ZNF28: variants seen among roughly 807,000 people sequenced by gnomAD.
ZNF28 encodes the protein zinc finger protein KOX24.
Under a neutral mutation model 7.2 loss-of-function variants are expected in ZNF28, and 5 were observed. The observed-to-expected ratio is 0.70, with a 90% CI of 0.36 to 1.46. ZNF28 has a LOEUF of 1.46. Ranked by LOEUF, ZNF28 falls within the 40% of genes most tolerant of loss-of-function variation. The pLI, the probability that ZNF28 is intolerant of heterozygous loss-of-function variation, is 0.03. For synonymous variants in ZNF28, 288 were observed against 292.4 expected (o/e 0.99, Z 0.15); for missense variants, 879 against 866.6 (o/e 1.01, Z -0.18).
At position 52,800,707 on chromosome 19, in the gene ZNF28, C is replaced by G; in HGVS notation, c.1138G>C (p.Glu380Gln). ...LARHRRLHTG[E>Q]KPYECEECEK... ...CATTCTTCACATTCATAAGGTTTCTCTCCAGTATGAAGCCTACGATGGCGT... is the reference window on the plus strand; with the variant it reads ...CATTCTTCACATTCATAAGGTTTCTGTCCAGTATGAAGCCTACGATGGCGT... Residue 380 changes from glutamate to glutamine, a missense_variant, in exon 4 of 4, where the codon GAG becomes CAG. Transcript: ENST00000457749. 6.2e-7 allele frequency: 1 copy of G among 1,613,788 alleles called. No individual in the cohort carries two copies. The highest frequency in any genetic ancestry group is 8.5e-7 in the Non-Finnish European group (1 of 1,179,990).
Position 52,798,924 on chromosome 19 carries a change from C to T in ZNF28, c.*764G>A. ...TGCCCACTAAAGGCTTTGCCACACT[C>T]ATTGCACTTGTAAGGTTTCTCTCCA... On this transcript the variant is annotated 3_prime_UTR_variant, in exon 4 of 4. Coordinates refer to ENST00000457749, the MANE Select transcript of ZNF28 (RefSeq NM_006969.5). 2.1e-6 allele frequency: 3 copies of T among 1,436,096 alleles called. No individual in the cohort carries two copies. Among genetic ancestry groups the T allele is most frequent in the Non-Finnish European group, 2.8e-6 (3 of 1,062,614 alleles). The allele number at this position is 1,436,096 out of a possible 1,614,324, so 89.0% of individuals were successfully genotyped here. A position where few individuals can be genotyped will look rare whatever the true frequency, so the allele number is the denominator to read the frequency against.
Position 52,797,697 on chromosome 19 carries a change from G to A in ZNF28, c.*1991C>T, listed in dbSNP as rs185195741. On this transcript the variant is annotated 3_prime_UTR_variant, in exon 4 of 4. Transcript: ENST00000457749. ...GAAATCTACAAACATTGATCAAAAT[G>A]ATTAAAAACATATAAATACACATAC... 6.5e-6 allele frequency: 1 copy of A among 153,924 alleles called. No individual in the cohort carries two copies. Among genetic ancestry groups the A allele is most frequent in the Non-Finnish European group, 1.5e-5 (1 of 68,030 alleles). The allele number at this position is 153,924 out of a possible 1,614,324, so 9.5% of individuals were successfully genotyped here.
Position 52,799,402 on chromosome 19 carries a change from T to G in ZNF28, c.*286A>C. The stretch of plus-strand genomic sequence containing the variant: ...TTCTTATGTGTTTCAAGGTTTGATT[T>G]GCAACCGAAAACTTTGTCACATTCT... On this transcript the variant is annotated 3_prime_UTR_variant, in exon 4 of 4. Coordinates refer to ENST00000457749, the MANE Select transcript of ZNF28 (RefSeq NM_006969.5). 1 of 643,908 alleles carries G rather than the reference T, an allele frequency of 1.6e-6. No homozygotes were observed. The highest frequency in any genetic ancestry group is 1.8e-5 in the African/African-American group (1 of 54,574). 39.9% of individuals were successfully genotyped at this position (643,908 alleles called of 1,614,324 possible).
intron 3 of ZNF28, among the ~76,000 whole-genome samples, chr19:52,807,459 C>A (rs7253544): frequency 6.6e-6 from 1 of 152,018 alleles, no homozygotes; most frequent in African/African-American, 2.4e-5. Flanking sequence ...TCTTTAAAGT[C>A]TGCCATAAGG....
chr19:52,820,388 A>C (rs2147698992), intron 1 of ZNF28, among the ~76,000 whole-genome samples: 1 of 123,280 alleles, frequency 8.1e-6, no homozygotes, highest in Non-Finnish European at 1.6e-5. Context: ...AAGTGCTGGG[A>C]TTACAGGCGT....
chr19:52,810,768 T>TA lies in ZNF28; in HGVS notation c.16-2636dup, dbSNP rs201866551. ...AGGAAAGAAGGGGAAAAAAAAAGAATAAAAAAAAACCCAAAAAAAACAGAA... is the reference window on the plus strand; with the variant it reads ...AGGAAAGAAGGGGAAAAAAAAAGAATAAAAAAAAAACCCAAAAAAAACAGAA... On this transcript the variant is annotated intron_variant, in intron 2 of 3. Coordinates refer to ENST00000457749, the MANE Select transcript of ZNF28 (RefSeq NM_006969.5). 127 of 437,144 alleles carry TA rather than the reference T, an allele frequency of 2.9e-4. 1 individual carries two copies. The highest frequency in any genetic ancestry group is 1.6e-3 in the East Asian group (45 of 28,416). The allele number at this position is 437,144 out of a possible 1,614,324, so 27.1% of individuals were successfully genotyped here.
At chr19:52,809,947 G>C (rs1600452636) in intron 2 of ZNF28, 1 of 836,116 alleles carries the variant, frequency 1.2e-6, no homozygotes, top group Non-Finnish European at 2.0e-6. Flanking sequence ...GTTGCCCCGG[G>C]GGGCGCAGGG....
chr19:52,810,651 C>G (rs924749610), intron 2 of ZNF28: 10 of 1,210,808 alleles, frequency 8.3e-6, no homozygotes, highest in Non-Finnish European at 1.2e-5. Flanking sequence ...ACAGCAGGCT[C>G]TGGGGTCGCG....
chr19:52,804,442 C>A, intron 3 of ZNF28, among the ~76,000 whole-genome samples: 3 of 152,222 alleles, frequency 2.0e-5, no homozygotes, highest in Middle Eastern at 3.4e-3. Context: ...GTGATCTTGG[C>A]GCACTGCAAC....
intron 2 of ZNF28, chr19:52,809,792 G>T: frequency 4.0e-6 from 2 of 501,372 alleles, no homozygotes; most frequent in Non-Finnish European, 3.5e-6. Flanking sequence ...GTGACAGAGC[G>T]AAAAAAAAGG....
In ZNF28 at chr19:52,799,000, G is replaced by C. The variant is rs1194772319; in HGVS notation, c.*688C>G. On this transcript the variant is annotated 3_prime_UTR_variant, in exon 4 of 4. Transcript: ENST00000457749. ...GGTGTGAATCACTCCCAAAAGCCTT[G>C]TTACAAACCTTACATTTGTATGTTT... 1.1e-6 allele frequency: 1 copy of C among 883,380 alleles called. No individual in the cohort carries two copies. The highest frequency in any genetic ancestry group is 1.7e-5 in the African/African-American group (1 of 58,122). The allele number at this position is 883,380 out of a possible 1,614,324, so 54.7% of individuals were successfully genotyped here.
chr19:52,817,948 G>T lies in ZNF28; in HGVS notation c.11C>A (p.Pro4His), dbSNP rs1195785208. The T allele has an allele frequency of 6.2e-7, 1 of 1,610,882 alleles. No individual in the cohort carries two copies. Among genetic ancestry groups the T allele is most frequent in the Non-Finnish European group, 8.5e-7 (1 of 1,179,828 alleles). Reference protein sequence around the residue: MALPQGLLTFRDVA... With the variant: MALHQGLLTFRDVA... ...CCACCGAGAATACCATCTCACCTGA[G>T]GAAGAGCCATCCCTGACTCCTTTGC... The change falls in exon 2 of 4, where the codon CCT becomes CAT. Residue 4 changes from proline (P) to histidine (H), a missense_variant. By Grantham distance (77) the Pro-to-His change is moderately conservative (BLOSUM62 -2). Transcript: ENST00000457749.
In ZNF28 at chr19:52,800,616, G is replaced by A; in HGVS notation, c.1229C>T (p.Pro410Leu). The change falls in exon 4 of 4, where the codon CCA becomes CTA. Residue 410 changes from proline (P) to leucine (L), a missense_variant. Pro to Leu is a moderately conservative substitution (Grantham distance 98, BLOSUM62 -3). Transcript: ENST00000457749. The stretch of plus-strand genomic sequence containing the variant: ...CTTGTCACAAACCTTACATTTGTAT[G>A]GTTTCTCTCCAGTATGAATCCTCTT... ...RHKRIHTGEK[P>L]YKCKVCDKAF... The A allele has an allele frequency of 6.2e-7, 1 of 1,613,200 alleles. No homozygotes were observed. The highest frequency in any genetic ancestry group is 8.5e-7 in the Non-Finnish European group (1 of 1,179,690).
At chr19:52,821,157 A>T (rs971255680) in intron 1 of ZNF28, among the ~76,000 whole-genome samples, 20 of 151,392 alleles carry the variant, frequency 1.3e-4, no homozygotes, top group Admixed American at 9.2e-4. Context: ...GCCTTCGGAC[A>T]AGGGTGGGAT....
intron 2 of ZNF28, chr19:52,809,813 G>GAGCGGCGAAGGC (rs2062990446): frequency 2.9e-6 from 1 of 343,486 alleles, no homozygotes; most frequent in East Asian, 3.6e-5. Context: ...AGCCCAGTCT[G>GAGCGGCGAAGGC]AGCGGCGAAG....
intron 2 of ZNF28, among the ~76,000 whole-genome samples, chr19:52,813,719 G>A (rs2063085899): frequency 6.9e-6 from 1 of 145,140 alleles, no homozygotes; most frequent in Admixed American, 6.9e-5. Context: ...TTTGTTTACA[G>A]GTTTCTGCAG....
In ZNF28 at chr19:52,800,524, A is replaced by G. The variant is rs561810004; in HGVS notation, c.1321T>C (p.Cys441Arg). ...IIHTGEKPYK[C>R]NECGKVFNQQ... is the part of the protein sequence containing the mutation. ...TTAAAAACCTTGCCACATTCATTAC[A>G]CTTGTAAGGCTTCTCTCCAGTGTGA... Residue 441 changes from cysteine to arginine, a missense_variant, in exon 4 of 4, where the codon TGT (cysteine) becomes CGT (arginine). Physicochemically the swap from Cys to Arg is radical, Grantham distance 180. Around this residue, in one of 2 missense-constraint regions of ZNF28, gnomAD observed 864 missense variants for 830.2 expected, o/e 1.04. Transcript: ENST00000457749. 3.8e-5 allele frequency: 62 copies of G among 1,613,622 alleles called. 1 individual carries two copies. The East Asian group carries it at 1.3e-3, about 35-fold the overall frequency.
At chr19:52,803,044 A>G (rs1052371938) in intron 3 of ZNF28, among the ~76,000 whole-genome samples, 1 of 151,746 alleles carries the variant, frequency 6.6e-6, no homozygotes, top group African/African-American at 2.4e-5. Context: ...TATAGGCATG[A>G]GCCACCGCAC....
At chr19:52,808,759 G>C (rs1178420097) in intron 2 of ZNF28, among the ~76,000 whole-genome samples, 1 of 152,080 alleles carries the variant, frequency 6.6e-6, no homozygotes, top group Non-Finnish European at 1.5e-5. Flanking sequence ...GTTGCAGTGA[G>C]CTGTGATCCC....
Sources: allele counts gnomAD v4.1 joint callset (sites outside exome capture counted in the v4.1 genomes callset), GRCh38; gene constraint gnomAD v4.1.1; regional missense constraint gnomAD v4.1.1; transcripts MANE v1.5; gene names NCBI Gene and HGNC (gene_info 2026-07-23, HGNC 2026-07-21).